The following PACRGL variants were observed in gnomAD, a reference collection of about 807,000 sequenced individuals.
The protein encoded by PACRGL is PACRG-like protein.
A neutral mutation model predicts 34.5 loss-of-function variants in PACRGL; 38 were observed. The ratio of observed to expected loss-of-function variants is 1.10; its 90% CI spans 0.85 to 1.44. The LOEUF is 1.44. Ranked by LOEUF, PACRGL falls within the 40% of genes most tolerant of loss-of-function variation. The pLI is 0.00. For missense variants in PACRGL, 305 were observed against 281.4 expected, an observed-to-expected ratio of 1.08 and a Z score of -0.60; for synonymous variants, 128 against 100.1, an observed-to-expected ratio of 1.28 and a Z score of -1.66.
At position 20,713,637 on chromosome 4, in the gene PACRGL, C is replaced by T. The variant is rs1219047613; in HGVS notation, c.609+98C>T. 3 of 964,010 alleles carry T rather than the reference C, an allele frequency of 3.1e-6. No individual in the cohort carries two copies. The African/African-American group carries it at 4.9e-5, about 16-fold the overall frequency. The allele number at this position is 964,010 out of a possible 1,614,324, so 59.7% of individuals were successfully genotyped here. A position where few individuals can be genotyped will look rare whatever the true frequency, so the allele number is the denominator to read the frequency against. On this transcript the variant is annotated intron_variant, in intron 7 of 8. Transcript: ENST00000503585. ...CAATTTCAAATCTTCAACTCAAAAC[C>T]TTAAAAATCTCCCTCTACACACTGC... is the stretch of plus-strand genomic sequence containing the variant.
At chr4:20,713,186 C>G in intron 6 of PACRGL, 1 of 540,752 alleles carries the variant, frequency 1.8e-6, no homozygotes, top group East Asian at 3.0e-5. Context: ...TCAAATCAGC[C>G]TTTCTGTATG....
chr4:20,702,037 T>G (rs1732404436), intron 1 of PACRGL: 1 of 438,660 alleles, frequency 2.3e-6, no homozygotes, highest in Non-Finnish European at 4.6e-6. Context: ...TGTATACTCA[T>G]AAACTGTAGA....
At chr4:20,738,083 T>G (rs1750104902) in intron 8 of PACRGL, among the ~76,000 whole-genome samples, 1 of 151,888 alleles carries the variant, frequency 6.6e-6, no homozygotes, top group South Asian at 2.1e-4. Flanking sequence ...TGAACTATGA[T>G]TGCACCACTG....
intron 1 of PACRGL, chr4:20,702,878 C>T (rs1214004876): frequency 1.3e-5 from 2 of 152,168 alleles, no homozygotes; most frequent in Admixed American, 1.3e-4. Flanking sequence ...AGTAAGTCAT[C>T]TGCTGGTAGT....
chr4:20,699,215 G>A (rs1330800710), upstream of PACRGL, among the ~76,000 whole-genome samples: 1 of 146,464 alleles, frequency 6.8e-6, no homozygotes, highest in Non-Finnish European at 1.5e-5. Context: ...GAAGATACAG[G>A]ATATAAGATT....
At chr4:20,748,877 T>C (rs1471221741) in intron 8 of PACRGL, among the ~76,000 whole-genome samples, 1 of 100,446 alleles carries the variant, frequency 1.0e-5, no homozygotes, top group Non-Finnish European at 2.1e-5. Context: ...TACGTGTGTG[T>C]GTGTATGTGT....
upstream of PACRGL, among the ~76,000 whole-genome samples, chr4:20,699,187 TATA>T (rs1731443269): frequency 6.6e-6 from 1 of 152,108 alleles, no homozygotes; most frequent in Non-Finnish European, 1.5e-5. Flanking sequence ...GATGAGAGAT[TATA>T]AAGTAAAAGT....
Position 20,704,486 on chromosome 4 carries a change from A to G in PACRGL, c.5A>G (p.Gln2Arg). 1.2e-6 allele frequency: 2 copies of G among 1,613,984 alleles called. No homozygotes were observed. Among genetic ancestry groups the G allele is most frequent in the Admixed American group, 1.7e-5 (1 of 59,998 alleles). The change falls in exon 2 of 9, where the codon CAG becomes CGG. Residue 2 changes from glutamine (Q) to arginine (R), a missense_variant. Transcript: ENST00000503585. M[Q>R]KSEGSGGTQL... ...TGCAGGAGTGAAAGGGAAGCAATGC[A>G]GAAATCAGAGGGCTCTGGAGGTACA...
intron 7 of PACRGL, 22 bp from the exon 8 acceptor site, chr4:20,724,786 C>T (rs767129528): frequency 1.5e-6 from 2 of 1,367,772 alleles, no homozygotes; most frequent in East Asian, 2.7e-5. Context: ...CATTTCGTTT[C>T]CCCCTAATCT....
rs756194284 is a variant in PACRGL, at chr4:20,731,971, G to A, written c.*4630G>A. The stretch of plus-strand genomic sequence containing the variant: ...AATACTCAGTTTAGCTGTTATGATA[G>A]CTGAATTGATAGTTATTACACTTTC... On this transcript the variant is annotated 3_prime_UTR_variant, in exon 9 of 9. Transcript: ENST00000503585. 8.1e-6 allele frequency: 13 copies of A among 1,611,256 alleles called. No individual in the cohort carries two copies. The highest frequency in any genetic ancestry group is 2.7e-5 in the African/African-American group (2 of 74,822).
At position 20,731,421 on chromosome 4, in the gene PACRGL, T is replaced by G; in HGVS notation, c.*4080T>G. 3 of 985,348 alleles carry G rather than the reference T, an allele frequency of 3.0e-6. No individual in the cohort carries two copies. Among genetic ancestry groups the G allele is most frequent in the Non-Finnish European group, 3.6e-6 (3 of 829,896 alleles). 61.0% of individuals were successfully genotyped at this position (985,348 alleles called of 1,614,324 possible). On this transcript the variant is annotated 3_prime_UTR_variant, in exon 9 of 9. Coordinates refer to ENST00000503585, the MANE Select transcript of PACRGL (RefSeq NM_001258345.3). ...CTGCCCACACATCAAGTCAAATAAT[T>G]CTAAGTAAGCTAACACTGGTTTCTT...
chr4:20,698,083 T>A (rs1731314932), upstream of PACRGL, among the ~76,000 whole-genome samples: 3 of 152,134 alleles, frequency 2.0e-5, no homozygotes, highest in South Asian at 6.2e-4. Flanking sequence ...TTCACTCTCC[T>A]CTAATTCTCT....
the PACRGL span, among the ~76,000 whole-genome samples, chr4:20,761,652 C>T: frequency 6.6e-6 from 1 of 152,116 alleles, no homozygotes; most frequent in Admixed American, 6.6e-5. Context: ...AAGAGGACTT[C>T]AAGCAAAGGG....
In PACRGL at chr4:20,714,239, C is replaced by T. The variant is rs374216003; in HGVS notation, c.609+700C>T. Reference sequence around the variant, plus strand: ...AGCTCTTCTTGTTGAATTGATCCCTCTACCATTATGTAATGGCCTTCTTTG... The same window carrying T: ...AGCTCTTCTTGTTGAATTGATCCCTTTACCATTATGTAATGGCCTTCTTTG... On this transcript the variant is annotated intron_variant, in intron 7 of 8. Coordinates refer to ENST00000503585, the MANE Select transcript of PACRGL (RefSeq NM_001258345.3). Among the ~76,000 whole-genome samples, 363 of 151,466 alleles carry T rather than the reference C, an allele frequency of 2.4e-3. 7 individuals are homozygous for T. The South Asian group carries it at 0.046, about 19-fold the overall frequency.
At chr4:20,710,957 G>A (rs966286360) in intron 5 of PACRGL, among the ~76,000 whole-genome samples, 3 of 152,032 alleles carry the variant, frequency 2.0e-5, no homozygotes, top group Non-Finnish European at 2.9e-5. Context: ...GGAGGCCAAG[G>A]TAGGAGGATC....
At chr4:20,753,932 T>G (rs1348753731), downstream of PACRGL, among the ~76,000 whole-genome samples, 3 of 152,066 alleles carry the variant, frequency 2.0e-5, no homozygotes, top group South Asian at 6.2e-4. Flanking sequence ...ATTCATTCAT[T>G]CATTCAACAA....
rs1746364140 is a variant in PACRGL at position 20,727,739 on chromosome 4, G to A, written c.*398G>A. ...TTTCTTGGGTTTAATGTTTAACAAG[G>A]CTATAGAAGTTTAAAATAGTGGACA... is the stretch of plus-strand genomic sequence containing the variant. On this transcript the variant is annotated 3_prime_UTR_variant, in exon 9 of 9. Coordinates refer to ENST00000503585, the MANE Select transcript of PACRGL (RefSeq NM_001258345.3). 6.1e-6 allele frequency: 1 copy of A among 162,612 alleles called. No homozygotes were observed. The highest frequency in any genetic ancestry group is 6.2e-5 in the Admixed American group (1 of 16,228). The allele number at this position is 162,612 out of a possible 1,614,324, so 10.1% of individuals were successfully genotyped here.
At chr4:20,741,639 C>A (rs1160500943) in intron 8 of PACRGL, among the ~76,000 whole-genome samples, 2 of 152,128 alleles carry the variant, frequency 1.3e-5, no homozygotes, top group Admixed American at 1.3e-4. Context: ...AATCAACACC[C>A]TAACATCACA....
chr4:20,740,970 AAAG>A (rs1750932203), intron 8 of PACRGL, among the ~76,000 whole-genome samples: 1 of 151,984 alleles, frequency 6.6e-6, no homozygotes, highest in East Asian at 1.9e-4. Flanking sequence ...CAAAACAGAC[AAAG>A]AAGGCTATTA....
Sources: allele counts gnomAD v4.1 joint callset (sites outside exome capture counted in the v4.1 genomes callset), GRCh38; gene constraint gnomAD v4.1.1; transcripts MANE v1.5; gene names NCBI Gene and HGNC (gene_info 2026-07-23, HGNC 2026-07-21).